Variants in ZFP64 observed in about 807,000 individuals in gnomAD.
ZFP64 encodes the protein zinc finger protein 64.
A neutral mutation model predicts 51.6 loss-of-function variants in ZFP64; 14 were observed. That is an observed-to-expected ratio of 0.27 (90% confidence interval 0.18 to 0.42). The LOEUF is 0.42. ZFP64 is among the 10% of genes least tolerant of loss of function. The probability of loss-of-function intolerance (pLI) is 1.00; values close to 1 mark genes in which losing one functional copy is unlikely to be tolerated. For synonymous variants in ZFP64, 375 were observed against 361.4 expected, an observed-to-expected ratio of 1.04 and a Z score of -0.43; for missense variants, 754 against 906.8, an observed-to-expected ratio of 0.83 and a Z score of 2.16.
downstream of ZFP64, among the ~76,000 whole-genome samples, chr20:52,148,851 C>T (rs1267133439): frequency 1.3e-5 from 2 of 152,076 alleles, no homozygotes; most frequent in East Asian, 1.9e-4. Flanking sequence ...ACAAATGAAG[C>T]GACAGAAGAA....
At chr20:52,156,190 G>A (rs1308524757) in intron 5 of ZFP64, among the ~76,000 whole-genome samples, 1 of 152,220 alleles carries the variant, frequency 6.6e-6, no homozygotes, top group Non-Finnish European at 1.5e-5. Context: ...TGAACTTGCT[G>A]TAGATTATAA....
At chr20:52,137,917 T>C (rs1980054840) in intron 5 of ZFP64, among the ~76,000 whole-genome samples, 1 of 152,046 alleles carries the variant, frequency 6.6e-6, no homozygotes, top group Non-Finnish European at 1.5e-5. Context: ...GGCTCATGCC[T>C]CTAATCCCAG....
chr20:52,117,591 C>G (rs181062484), intron 5 of ZFP64: 8 of 453,730 alleles, frequency 1.8e-5, no homozygotes, highest in African/African-American at 1.6e-4. Context: ...TGCACTCTAG[C>G]CTGGGCGACA....
intron 7 of ZFP64, among the ~76,000 whole-genome samples, chr20:52,091,813 C>A (rs763556547): frequency 8.2e-6 from 1 of 122,164 alleles, no homozygotes; most frequent in Non-Finnish European, 1.9e-5. Flanking sequence ...CATGGAGAAA[C>A]CCCGTCTCTA....
chr20:52,089,504 G>T (rs1308337583), intron 7 of ZFP64, among the ~76,000 whole-genome samples: 2 of 152,124 alleles, frequency 1.3e-5, no homozygotes, highest in African/African-American at 4.8e-5. Context: ...GCTTTGGGGG[G>T]CTGAGGTGGG....
intron 4 of ZFP64, among the ~76,000 whole-genome samples, chr20:52,162,393 G>T (rs957527463): frequency 6.6e-6 from 1 of 151,916 alleles, no homozygotes; most frequent in Non-Finnish European, 1.5e-5. Flanking sequence ...TTGGGAGGCC[G>T]AGGCGGGCGG....
intron 5 of ZFP64, among the ~76,000 whole-genome samples, chr20:52,119,372 C>T (rs1022654237): frequency 4.0e-5 from 6 of 150,920 alleles, no homozygotes; most frequent in Non-Finnish European, 7.4e-5. Context: ...AAAAATTAGC[C>T]GGGCGTGGTG....
rs1047611606 is a variant in ZFP64, at chr20:52,189,126, G to A, written c.47-2055C>T. Among the ~76,000 whole-genome samples, 11 of 152,054 alleles carry A rather than the reference G, an allele frequency of 7.2e-5. No individual in the cohort carries two copies. In the East Asian group the frequency reaches 1.4e-3, roughly 19 times the overall value. On this transcript the variant is annotated intron_variant, in intron 1 of 5. Transcript: ENST00000216923. ...CATTTTCTTTACACTTAAAAGTTGC[G>A]TAAGATGGCTCACGCCTGTAACCCA...
intron 1 of ZFP64, among the ~76,000 whole-genome samples, chr20:52,189,496 A>G (rs111644684): frequency 0.13 from 19,933 of 148,682 alleles, 2,007 homozygotes; most frequent in African/African-American, 0.28. Flanking sequence ...TTTTTTTGAG[A>G]TGGAGTTTTG....
rs1486564090 is a variant in ZFP64, at chr20:52,155,316, GGA to G, written c.764-1890_764-1889del. On this transcript the variant is annotated intron_variant, in intron 5 of 5. Coordinates refer to ENST00000216923, the MANE Select transcript of ZFP64 (RefSeq NM_018197.3). ...TTGGTTGCCTGTTTTCATAATTGAA[GGA>G]CGTGTCAAATTTTAATACAGGCTAG... Among the ~76,000 whole-genome samples the G allele has an allele frequency of 2.6e-5, 4 of 152,286 alleles. No individual in the cohort carries two copies. In the East Asian group the frequency reaches 7.7e-4, roughly 29 times the overall value.
chr20:52,187,953 T>C (rs1033395829), intron 1 of ZFP64, among the ~76,000 whole-genome samples: 5 of 152,080 alleles, frequency 3.3e-5, no homozygotes, highest in African/African-American at 4.8e-5. Context: ...TGAGAACCAA[T>C]AGTCTAAATA....
Position 52,085,410 on chromosome 20 carries a change from T to TCATTA in ZFP64, c.1229-145_1229-144insTAATG. 1.2e-6 allele frequency: 1 copy of TCATTA among 846,746 alleles called. No homozygotes were observed. Among genetic ancestry groups the TCATTA allele is most frequent in the Non-Finnish European group, 1.8e-6 (1 of 558,336 alleles). 52.5% of individuals were successfully genotyped at this position (846,746 alleles called of 1,614,324 possible). ...AACCTCCTAATGACAACACTTGTTG[T>TCATTA]GCATATTAATGCAATCCTCACAACA... On this transcript the variant is annotated intron_variant, in intron 8 of 8. Coordinates refer to the ZFP64 transcript ENST00000361387. The surrounding 1 kb of genome is among the most constrained non-coding windows in gnomAD (Gnocchi z 4.3).
At position 52,153,170 on chromosome 20, in the gene ZFP64, T is replaced by A; in HGVS notation, c.1022A>T (p.His341Leu). The A allele has an allele frequency of 6.2e-7, 1 of 1,614,238 alleles. No individual in the cohort carries two copies. Among genetic ancestry groups the A allele is most frequent in the Non-Finnish European group, 8.5e-7 (1 of 1,180,042 alleles). ...RKHSRVHQSE[H>L]PEKCSECSYS... ...GCTGCATTCCGAGCACTTCTCAGGA[T>A]GCTCCGACTGGTGCACGCGGCTGTG... Residue 341 changes from histidine to leucine, a missense_variant, in exon 6 of 6, where the codon CAT becomes CTT. Physicochemically the swap from His to Leu is moderately conservative, Grantham distance 99. Around this residue, in one of 3 missense-constraint regions of ZFP64, gnomAD observed 428 missense variants for 472.4 expected, o/e 0.91. Transcript: ENST00000216923. The surrounding 1 kb of genome is among the most constrained non-coding windows in gnomAD (Gnocchi z 5.1).
At position 52,119,900 on chromosome 20, in the gene ZFP64, T is replaced by C. The variant is rs74323888; in HGVS notation, c.764-21313A>G. On this transcript the variant is annotated intron_variant, in intron 5 of 8. Transcript: ENST00000361387. Reference sequence around the variant, plus strand: ...GGGAGGAGGTGTGAAGGGTTTCATATGGCAAAAAGAATATGATTAAATAAT... The same window carrying C: ...GGGAGGAGGTGTGAAGGGTTTCATACGGCAAAAAGAATATGATTAAATAAT... Among the ~76,000 whole-genome samples the C allele has an allele frequency of 2.6e-3, 388 of 152,148 alleles. 1 individual carries two copies. The highest frequency in any genetic ancestry group is 8.5e-3 in the African/African-American group (352 of 41,522).
chr20:52,104,724 G>A (rs1034288361), intron 5 of ZFP64: 1 of 489,332 alleles, frequency 2.0e-6, no homozygotes, highest in Admixed American at 2.3e-5. Context: ...GCCTTCCCTG[G>A]ACAACGCATT....
At chr20:52,127,273 T>C (rs1232796203) in intron 5 of ZFP64, among the ~76,000 whole-genome samples, 2 of 151,902 alleles carry the variant, frequency 1.3e-5, no homozygotes, top group Admixed American at 1.3e-4. Context: ...TTAAAGGAAG[T>C]GATACGGTTA....
At position 52,129,458 on chromosome 20, in the gene ZFP64, C is replaced by T. The variant is rs760051707; in HGVS notation, c.763+30665G>A. On this transcript the variant is annotated intron_variant, in intron 5 of 8. Transcript: ENST00000361387. ...ACAGGTGTGAGCCACCGTACCCAGC[C>T]GCTCCAGCCTTTTTTATTTGCCTTT... 3.9e-5 allele frequency among the ~76,000 whole-genome samples: 6 copies of T among 151,952 alleles called. No homozygotes were observed. In the East Asian group the frequency reaches 5.8e-4, roughly 15 times the overall value.
In ZFP64 at chr20:52,152,876, G is replaced by A. The variant is rs1478015376; in HGVS notation, c.1316C>T (p.Ser439Leu). Residue 439 changes from serine to leucine, a missense_variant, in exon 6 of 6, where the codon TCG becomes TTG. This residue lies in a region of ZFP64 where 428 missense variants were observed against 472.4 expected (regional missense o/e 0.91). Coordinates refer to ENST00000216923, the MANE Select transcript of ZFP64 (RefSeq NM_018197.3). ...GTGCTGTCTCTTGTGGCTGCGGAGC[G>A]AGTCCTCCCGCATGAAGGAGGCATC... ...ICDASFMRED[S>L]LRSHKRQHSE... The A allele has an allele frequency of 3.1e-6, 5 of 1,613,988 alleles. No homozygotes were observed. Among genetic ancestry groups the A allele is most frequent in the Non-Finnish European group, 1.7e-6 (2 of 1,180,050 alleles).
At chr20:52,139,717 C>T (rs540887771) in intron 5 of ZFP64, among the ~76,000 whole-genome samples, 5 of 152,096 alleles carry the variant, frequency 3.3e-5, no homozygotes, top group Admixed American at 2.6e-4. Context: ...ATTTATTTTA[C>T]GGGTCACATT....
Sources: gnomAD v4.1 joint callset for allele counts (sites outside exome capture counted in the v4.1 genomes callset) on GRCh38, gnomAD v4.1.1 for gene constraint, gnomAD v4.1.1 regional missense constraint, Gnocchi (gnomAD v3.1) non-coding constraint, MANE v1.5 for transcripts, NCBI Gene and HGNC (gene_info 2026-07-23, HGNC 2026-07-21) for gene names.